Variants in BCOR observed in about 807,000 individuals in gnomAD.
BCOR encodes the protein BCL-6 corepressor.
A neutral mutation model predicts 86.7 loss-of-function variants in BCOR; 10 were observed. The observed-to-expected ratio is 0.12, with a 90% CI of 0.07 to 0.20. The LOEUF is 0.20. Among genes scored for constraint, BCOR ranks in the 10% least tolerant of loss-of-function variants. The pLI, the probability that BCOR is intolerant of heterozygous loss-of-function variation, is 1.00. For missense variants in BCOR, 1,259 were observed against 1,452.1 expected (o/e 0.87, Z 2.16); for synonymous variants, 611 against 609.0 (o/e 1.00, Z -0.05).
rs984157032 is a variant in BCOR, at chrX:40,105,502, G to A, written c.-40-27533C>T. Reference sequence around the variant, plus strand: ...TGCGGTATCCCGGTGTAAGCCGAGAGGACCCTTCCTGCGGTCCGATGAGAT... The same window carrying A: ...TGCGGTATCCCGGTGTAAGCCGAGAAGACCCTTCCTGCGGTCCGATGAGAT... On this transcript the variant is annotated intron_variant, in intron 1 of 14. Transcript: ENST00000342274. Among the ~76,000 whole-genome samples the A allele has an allele frequency of 6.2e-5, 7 of 112,034 alleles. 1 individual carries two copies. In the South Asian group the frequency reaches 1.9e-3, roughly 30 times the overall value.
chrX:40,080,232 G>A (rs955861569), intron 1 of BCOR, among the ~76,000 whole-genome samples: 22 of 107,361 alleles, frequency 2.0e-4, no homozygotes, highest in African/African-American at 6.8e-4. Flanking sequence ...ACCTGAAGTC[G>A]GGAGTTTGAG....
intron 2 of BCOR, chrX:40,077,049 C>T: frequency 1.2e-5 from 3 of 254,442 alleles, no homozygotes; most frequent in South Asian, 1.1e-4. Context: ...AAACTGGTTT[C>T]CATGGTGATA....
chrX:40,052,818 C>A (rs1934392779), intron 14 of BCOR, among the ~76,000 whole-genome samples: 1 of 111,213 alleles, frequency 9.0e-6, no homozygotes, highest in Admixed American at 9.6e-5. Context: ...CCCGCCTTGG[C>A]CTCCCAAAGT....
chrX:40,087,689 G>A (rs1257607437), intron 1 of BCOR, among the ~76,000 whole-genome samples: 1 of 111,882 alleles, frequency 8.9e-6, no homozygotes. Flanking sequence ...CATCTGATGA[G>A]ATTTCTCTAG....
chrX:40,139,512 T>TTA (rs1937867367), intron 1 of BCOR, among the ~76,000 whole-genome samples: 1 of 61,539 alleles, frequency 1.6e-5, no homozygotes, highest in Non-Finnish European at 3.1e-5. Context: ...TTTTTTTTTT[T>TTA]AAGCATCAGC....
chrX:40,098,165 T>C (rs1269574645), upstream of BCOR, among the ~76,000 whole-genome samples: 1 of 107,819 alleles, frequency 9.3e-6, no homozygotes, highest in Non-Finnish European at 1.9e-5. Context: ...GCTCCGCCAG[T>C]CTCCGCTCAC....
intron 1 of BCOR, among the ~76,000 whole-genome samples, chrX:40,106,587 C>T (rs929204649): frequency 3.6e-5 from 4 of 111,613 alleles, no homozygotes; most frequent in African/African-American, 1.3e-4. Context: ...CCGCCTCGCA[C>T]TTCCTCCCGC....
At chrX:40,129,804 G>A (rs895615617) in intron 1 of BCOR, among the ~76,000 whole-genome samples, 2 of 111,156 alleles carry the variant, frequency 1.8e-5, no homozygotes, top group African/African-American at 6.6e-5. Flanking sequence ...GGCGTGGGAG[G>A]CTGAGGCAAG....
At chrX:40,128,135 G>T (rs953067861) in intron 1 of BCOR, among the ~76,000 whole-genome samples, 1 of 111,310 alleles carries the variant, frequency 9.0e-6, no homozygotes, top group Non-Finnish European at 1.9e-5. Context: ...TGAGGCAGGA[G>T]AATCTCTTGA....
chrX:40,095,781 C>A (rs1378145591), intron 1 of BCOR, among the ~76,000 whole-genome samples: 1 of 101,788 alleles, frequency 9.8e-6, no homozygotes, highest in African/African-American at 3.6e-5. Context: ...CGCGCCCTGG[C>A]GCGCGGGCAC....
intron 1 of BCOR, among the ~76,000 whole-genome samples, chrX:40,118,504 T>C (rs1937432782): frequency 9.1e-6 from 1 of 110,162 alleles, no homozygotes; most frequent in African/African-American, 3.3e-5. Context: ...TGACCTCAGG[T>C]GATCCACCCG....
intron 6 of BCOR, among the ~76,000 whole-genome samples, chrX:40,070,357 G>C (rs938905566): frequency 1.8e-5 from 2 of 112,094 alleles, no homozygotes; most frequent in African/African-American, 6.5e-5. Flanking sequence ...AGTCAACCCT[G>C]TTGGTGGGGT....
At chrX:40,067,137 A>G (rs73194084) in intron 6 of BCOR, among the ~76,000 whole-genome samples, 11,893 of 111,592 alleles carry the variant, frequency 0.11, 567 homozygotes, top group African/African-American at 0.18. Context: ...AAATGAGTTT[A>G]TATCTCACCT....
At chrX:40,094,527 C>T (rs770395352) in intron 1 of BCOR, among the ~76,000 whole-genome samples, 1 of 113,310 alleles carries the variant, frequency 8.8e-6, no homozygotes, top group African/African-American at 3.2e-5. Context: ...CACAGCTCCG[C>T]GCGCTGGGCA....
Position 40,074,346 on chromosome X carries a change from G to T in BCOR, c.1000C>A (p.Pro334Thr), listed in dbSNP as rs1310105886. ...GLPGDTALLLPPSPRPSPRVH... is the reference protein window; with the variant it reads ...GLPGDTALLLTPSPRPSPRVH... ...CGGGGTGACGGCCGAGGCGAGGGGG[G>T]CAACAGGAGAGCTGTGTCCCCCGGC... The change falls in exon 4 of 15, where the codon CCC (proline) becomes ACC (threonine). Residue 334 changes from proline to threonine, a missense_variant. Pro to Thr is a conservative substitution (Grantham distance 38, BLOSUM62 -1). Transcript: ENST00000378444. 1.7e-6 allele frequency: 2 copies of T among 1,211,608 alleles called. No individual in the cohort carries two copies. The highest frequency in any genetic ancestry group is 1.1e-6 in the Non-Finnish European group (1 of 895,377).
At chrX:40,154,766 G>T (rs1191878685) in intron 1 of BCOR, among the ~76,000 whole-genome samples, 1 of 112,350 alleles carries the variant, frequency 8.9e-6, no homozygotes, top group Non-Finnish European at 1.9e-5. Context: ...CAAGGGTCCG[G>T]ATCTTTCCCT....
rs760731072 is a variant in BCOR, at chrX:40,150,047, G to A, written c.-41+26960C>T. 9.8e-5 allele frequency among the ~76,000 whole-genome samples: 11 copies of A among 112,632 alleles called. No homozygotes were observed. The Admixed American group carries it at 1.0e-3, about 11-fold the overall frequency. On this transcript the variant is annotated intron_variant, in intron 1 of 14. Transcript: ENST00000342274. The stretch of plus-strand genomic sequence containing the variant: ...TCCAGAGCCAGAATCCAGATTGTCC[G>A]TTAAACAGCCAGGAGAAGAGCAAGC...
At chrX:40,137,806 G>A (rs1177067172) in intron 1 of BCOR, among the ~76,000 whole-genome samples, 1 of 111,533 alleles carries the variant, frequency 9.0e-6, no homozygotes, top group African/African-American at 3.3e-5. Context: ...GCTTTTGTGA[G>A]CCTAGGCTTC....
intron 1 of BCOR, among the ~76,000 whole-genome samples, chrX:40,139,256 G>A (rs1336908474): frequency 1.0e-5 from 1 of 99,839 alleles, no homozygotes; most frequent in African/African-American, 3.5e-5. Flanking sequence ...AAGGGTAGGC[G>A]TGTTGAATAA....
Sources: gnomAD v4.1 joint callset for allele counts (sites outside exome capture counted in the v4.1 genomes callset) on GRCh38, gnomAD v4.1.1 for gene constraint, MANE v1.5 for transcripts, NCBI Gene and HGNC (gene_info 2026-07-23, HGNC 2026-07-21) for gene names.